Variants in NPAS2 observed in about 807,000 individuals in gnomAD.
NPAS2 encodes neuronal PAS domain-containing protein 2.
NPAS2 carries 23 observed loss-of-function variants against 107.5 expected under a neutral mutation model. That is an observed-to-expected ratio of 0.21 (90% CI 0.15 to 0.30). The LOEUF (loss-of-function observed/expected upper bound fraction) is 0.30. Ranked by LOEUF, NPAS2 falls within the 10% of genes least tolerant of loss-of-function variation. NPAS2 has a pLI of 1.00. For missense variants in NPAS2, 756 were observed against 1,043.3 expected (o/e 0.72, Z 3.79); for synonymous variants, 403 against 417.5 (o/e 0.97, Z 0.42).
At chr2:100,838,999 C>T (rs774392106) in intron 1 of NPAS2, among the ~76,000 whole-genome samples, 1 of 152,170 alleles carries the variant, frequency 6.6e-6, no homozygotes, top group Non-Finnish European at 1.5e-5. Context: ...GCCTGACTCT[C>T]CTGCCTCCCC....
chr2:100,961,438 G>GT (rs1182069959), intron 7 of NPAS2, among the ~76,000 whole-genome samples: 1 of 152,138 alleles, frequency 6.6e-6, no homozygotes. Context: ...CATGCCCTCA[G>GT]TTTTTTTAAG....
intron 8 of NPAS2, 125 bp downstream of exon 8, chr2:100,964,301 C>T: frequency 1.3e-6 from 1 of 750,250 alleles, no homozygotes; most frequent in East Asian, 2.5e-5. Flanking sequence ...CTTTGAAAAT[C>T]GAAGTGTCTG....
rs550635706 is a variant in NPAS2, at chr2:100,836,628, G to A, written c.-23+16214G>A. Among the ~76,000 whole-genome samples the A allele has an allele frequency of 1.5e-4, 23 of 152,298 alleles. 1 individual carries two copies. The South Asian group carries it at 4.8e-3, about 32-fold the overall frequency. ...AGGGGTGCCTCCGAGTTCCCATTGT[G>A]CAGGTCAGGGGTGGCTCTACCGAGT... On this transcript the variant is annotated intron_variant, in intron 1 of 20. Transcript: ENST00000335681.
chr2:100,926,827 A>G (rs900632604), intron 3 of NPAS2, among the ~76,000 whole-genome samples: 4 of 152,008 alleles, frequency 2.6e-5, no homozygotes, highest in Non-Finnish European at 4.4e-5. Flanking sequence ...TTTTCTTTTG[A>G]CTACTTGTGC....
At chr2:100,911,537 G>C (rs1286419630) in intron 2 of NPAS2, among the ~76,000 whole-genome samples, 1 of 152,096 alleles carries the variant, frequency 6.6e-6, no homozygotes, top group Non-Finnish European at 1.5e-5. Flanking sequence ...CAATTCTCCT[G>C]CCCGGCCACA....
chr2:100,978,887 G>A (rs575676920), intron 15 of NPAS2, among the ~76,000 whole-genome samples: 2 of 152,320 alleles, frequency 1.3e-5, no homozygotes, highest in Admixed American at 6.5e-5. Context: ...ATGTGCTTCA[G>A]CAGGGAGTTC....
At chr2:100,907,370 A>C (rs764269979) in intron 2 of NPAS2, among the ~76,000 whole-genome samples, 1 of 151,924 alleles carries the variant, frequency 6.6e-6, no homozygotes, top group Non-Finnish European at 1.5e-5. Context: ...TTGCACAGAG[A>C]CCTGTGTAGT....
At chr2:100,937,924 G>T (rs958074221) in intron 5 of NPAS2, 82 bp downstream of exon 5, 2 of 1,130,046 alleles carry the variant, frequency 1.8e-6, no homozygotes, top group East Asian at 2.4e-5. Flanking sequence ...ATGGAAGGTG[G>T]TGCAGGTGTC....
At chr2:100,925,050 A>T in intron 2 of NPAS2, 96 bp from the exon 3 acceptor site, 1 of 1,272,702 alleles carries the variant, frequency 7.9e-7, no homozygotes, top group Non-Finnish European at 1.1e-6. Flanking sequence ...ATAGATGATC[A>T]CAATAGAATG....
intron 7 of NPAS2, among the ~76,000 whole-genome samples, chr2:100,951,272 G>A (rs1354061219): frequency 1.3e-5 from 2 of 152,176 alleles, no homozygotes; most frequent in Non-Finnish European, 2.9e-5. Flanking sequence ...CTTTACGTGT[G>A]CACTGGTTCC....
At position 100,990,385 on chromosome 2, in the gene NPAS2, A is replaced by G; in HGVS notation, c.1957A>G (p.Thr653Ala). 1 of 1,614,014 alleles carries G rather than the reference A, an allele frequency of 6.2e-7. No homozygotes were observed. The highest frequency in any genetic ancestry group is 1.1e-5 in the South Asian group (1 of 91,058). Residue 653 changes from threonine (T) to alanine (A), a missense_variant, in exon 18 of 21, where the codon ACC becomes GCC. By Grantham distance (58) the Thr-to-Ala change is moderately conservative. This residue lies in a region of NPAS2 where 496 missense variants were observed against 594.4 expected (regional missense o/e 0.83). Coordinates refer to ENST00000335681, the MANE Select transcript of NPAS2 (RefSeq NM_002518.4). ...TCTGAATCTGACCACACCTGCTTCC[A>G]CCTCCCAGGATGCCAGCCAGTGCCA... ...PSLNLTTPAS[T>A]SQDASQCQPS...
At chr2:100,947,442 T>C (rs1044567316) in intron 5 of NPAS2, among the ~76,000 whole-genome samples, 3 of 151,830 alleles carry the variant, frequency 2.0e-5, no homozygotes, top group Non-Finnish European at 1.5e-5. Context: ...TTTCAGCTAC[T>C]TGGGAGGCTG....
chr2:100,982,512 T>C, intron 16 of NPAS2, 135 bp downstream of exon 16: 1 of 1,004,630 alleles, frequency 1.0e-6, no homozygotes, highest in South Asian at 1.7e-5. Context: ...TATGAAAGCA[T>C]ATTGCAGTCT....
Position 100,933,016 on chromosome 2 carries a change from C to G in NPAS2, c.273+15C>G. ...TGATGTTGGAGGTGAAATGCACTTT[C>G]AAAATAGCTTAAACAGTTGCCAGTT... On this transcript the variant is annotated intron_variant, in intron 4 of 20. Coordinates refer to ENST00000335681, the MANE Select transcript of NPAS2 (RefSeq NM_002518.4). The G allele has an allele frequency of 1.3e-6, 2 of 1,581,838 alleles. No individual in the cohort carries two copies. The highest frequency in any genetic ancestry group is 3.3e-5 in the Admixed American group (2 of 59,956).
chr2:100,991,255 TGGCACCGTGCTCG>T (rs1258922294), intron 19 of NPAS2, among the ~76,000 whole-genome samples: 4 of 152,160 alleles, frequency 2.6e-5, no homozygotes, highest in African/African-American at 9.7e-5. Context: ...TCCGTGCTTC[TGGCACCGTGCTCG>T]GGCCCGTCTC....
chr2:100,892,863 G>A (rs573403906), intron 1 of NPAS2, among the ~76,000 whole-genome samples: 11 of 152,040 alleles, frequency 7.2e-5, no homozygotes, highest in Non-Finnish European at 8.8e-5. Flanking sequence ...GATTACAGGC[G>A]TGCACCAACA....
At chr2:100,958,318 T>TG (rs1347870876) in intron 7 of NPAS2, among the ~76,000 whole-genome samples, 1 of 152,218 alleles carries the variant, frequency 6.6e-6, no homozygotes, top group Non-Finnish European at 1.5e-5. Flanking sequence ...TTTATGGCTT[T>TG]GGGGTGGTTT....
intron 1 of NPAS2, among the ~76,000 whole-genome samples, chr2:100,873,307 T>TATACAC (rs1280164445): frequency 1.4e-3 from 57 of 41,898 alleles, no homozygotes; most frequent in East Asian, 6.7e-3. Context: ...TATATATATA[T>TATACAC]ACACACACAC....
rs113372787 is a variant in NPAS2, at chr2:100,832,869, T to A, written c.-23+12455T>A. ...TCTAACCTCTCTGTACAAAATCTCC[T>A]TATGTTTTCCTCGTGCCATGTGTCT... On this transcript the variant is annotated intron_variant, in intron 1 of 20. Transcript: ENST00000335681. Among the ~76,000 whole-genome samples the A allele has an allele frequency of 7.2e-5, 11 of 152,328 alleles. 1 individual carries two copies. The highest frequency in any genetic ancestry group is 2.6e-4 in the African/African-American group (11 of 41,578).
Sources: allele counts gnomAD v4.1 joint callset (sites outside exome capture counted in the v4.1 genomes callset), GRCh38; gene constraint gnomAD v4.1.1; regional missense constraint gnomAD v4.1.1; transcripts MANE v1.5; gene names NCBI Gene and HGNC (gene_info 2026-07-23, HGNC 2026-07-21).